Variants in DAPK1 observed in about 807,000 individuals in gnomAD.
The protein encoded by DAPK1 is death-associated protein kinase 1.
DAPK1 carries 56 observed loss-of-function variants against 144.9 expected under a neutral mutation model. That is an observed-to-expected ratio of 0.39 (90% CI 0.31 to 0.48). DAPK1 has a LOEUF of 0.48. Among genes scored for constraint, DAPK1 ranks in the 20% least tolerant of loss-of-function variants. DAPK1 has a pLI of 0.95. For missense variants in DAPK1, 1,454 were observed against 1,875.4 expected (o/e 0.78, Z 4.15); for synonymous variants, 690 against 749.0 (o/e 0.92, Z 1.29).
At chr9:87,631,936 C>T in intron 3 of DAPK1, 1 of 369,544 alleles carries the variant, frequency 2.7e-6, no homozygotes, top group Non-Finnish European at 3.8e-6. Context: ...GCAAAAACAT[C>T]TGCCTTCATG....
intron 21 of DAPK1, among the ~76,000 whole-genome samples, chr9:87,695,636 C>T (rs1164548302): frequency 6.6e-6 from 1 of 152,182 alleles, no homozygotes; most frequent in Non-Finnish European, 1.5e-5. Flanking sequence ...ACCCCACCTC[C>T]TCCCAGATCC....
rs770623157 is a variant in DAPK1, at chr9:87,698,660, C to A, written c.2616C>A (p.Phe872Leu). 4 of 1,603,056 alleles carry A rather than the reference C, an allele frequency of 2.5e-6. No homozygotes were observed. The highest frequency in any genetic ancestry group is 3.4e-6 in the Non-Finnish European group (4 of 1,170,494). ...CAGTTCCCTCTCTGCCCCCAGCCTT[C>A]GGTGGCAAGCTGAAGAACCCACTCC... ...SLVPVEEPIA[F>L]GGKLKNPLQV... Residue 872 changes from phenylalanine (F) to leucine (L), a missense_variant, in exon 23 of 26, where the codon TTC (phenylalanine) becomes TTA (leucine). This residue lies in a region of DAPK1 where 1,025 missense variants were observed against 1,237.9 expected (regional missense o/e 0.83). Transcript: ENST00000408954.
At chr9:87,589,241 T>TAG (rs1393160457) in intron 2 of DAPK1, among the ~76,000 whole-genome samples, 1 of 152,018 alleles carries the variant, frequency 6.6e-6, no homozygotes, top group Non-Finnish European at 1.5e-5. Flanking sequence ...GAAGGACTCT[T>TAG]AGAGACCATA....
At chr9:87,573,197 G>A (rs528009792) in intron 2 of DAPK1, among the ~76,000 whole-genome samples, 1 of 152,328 alleles carries the variant, frequency 6.6e-6, no homozygotes, top group East Asian at 1.9e-4. Context: ...TGAAGGGTGT[G>A]TACAAGTTTG....
At chr9:87,623,875 A>G (rs1174686481) in intron 3 of DAPK1, among the ~76,000 whole-genome samples, 4 of 152,144 alleles carry the variant, frequency 2.6e-5, no homozygotes, top group Admixed American at 2.6e-4. Context: ...ATAGGAGGTA[A>G]CACTTTGTTC....
intron 3 of DAPK1, among the ~76,000 whole-genome samples, chr9:87,629,290 G>T (rs893011680): frequency 6.6e-6 from 1 of 152,128 alleles, no homozygotes; most frequent in Non-Finnish European, 1.5e-5. Context: ...GGATGGGAAT[G>T]CTCGTCTACA....
chr9:87,512,040 A>AT (rs1563966781), intron 2 of DAPK1, among the ~76,000 whole-genome samples: 4 of 142,148 alleles, frequency 2.8e-5, no homozygotes, highest in African/African-American at 1.1e-4. Flanking sequence ...TTGCTTTTTC[A>AT]AGAGAAACCA....
intron 2 of DAPK1, among the ~76,000 whole-genome samples, chr9:87,599,866 A>G (rs1828450888): frequency 6.6e-6 from 1 of 152,204 alleles, no homozygotes; most frequent in South Asian, 2.1e-4. Flanking sequence ...TCATTTTTGC[A>G]CAACCTTGTT....
At chr9:87,591,867 A>G (rs1020635945) in intron 2 of DAPK1, among the ~76,000 whole-genome samples, 1 of 152,204 alleles carries the variant, frequency 6.6e-6, no homozygotes, top group African/African-American at 2.4e-5. Context: ...TTCACCTGGA[A>G]GTCCAGTTGC....
At chr9:87,508,417 A>G (rs1489763400) in intron 2 of DAPK1, among the ~76,000 whole-genome samples, 2 of 146,096 alleles carry the variant, frequency 1.4e-5, no homozygotes, top group African/African-American at 2.6e-5. Flanking sequence ...ATTTCGGCTC[A>G]CTGCAACCTC....
intron 18 of DAPK1, among the ~76,000 whole-genome samples, chr9:87,662,445 A>G (rs1049377454): frequency 6.6e-6 from 1 of 151,378 alleles, no homozygotes; most frequent in Non-Finnish European, 1.5e-5. Context: ...AATTCTTCCC[A>G]TCCGTGAGCA....
At chr9:87,658,373 G>A (rs1207257525) in intron 18 of DAPK1, among the ~76,000 whole-genome samples, 2 of 152,154 alleles carry the variant, frequency 1.3e-5, no homozygotes, top group Non-Finnish European at 1.5e-5. Flanking sequence ...GCTGCTTCCC[G>A]CTGGCCTTTT....
intron 2 of DAPK1, among the ~76,000 whole-genome samples, chr9:87,571,521 ACACACAC>A (rs1827358329): frequency 9.8e-5 from 14 of 142,544 alleles, no homozygotes; most frequent in African/African-American, 2.1e-4. Context: ...ACACACACAC[ACACACAC>A]CAGAAGCGAA....
chr9:87,653,854 C>T (rs1441406458), intron 17 of DAPK1, among the ~76,000 whole-genome samples: 10 of 151,914 alleles, frequency 6.6e-5, no homozygotes, highest in Non-Finnish European at 1.0e-4. Flanking sequence ...CCACCATGCC[C>T]TGCTAATTTT....
intron 2 of DAPK1, among the ~76,000 whole-genome samples, chr9:87,573,020 G>A (rs189719186): frequency 9.2e-5 from 14 of 152,082 alleles, no homozygotes; most frequent in South Asian, 4.2e-4. Context: ...CAGGAGTTTC[G>A]CTTATACAAA....
chr9:87,525,885 G>A (rs1348811082), intron 2 of DAPK1, among the ~76,000 whole-genome samples: 2 of 152,160 alleles, frequency 1.3e-5, no homozygotes, highest in Non-Finnish European at 2.9e-5. Context: ...CTATAGGCCT[G>A]CAGATCGAGT....
chr9:87,686,218 C>G lies in DAPK1; in HGVS notation c.2225-333C>G, dbSNP rs1036725260. ...GAGAAGGGAAGAAACCCGACCTCTG[C>G]CCTCCCACCCTCTCCACAGCCTCCC... On this transcript the variant is annotated intron_variant, in intron 20 of 25. Transcript: ENST00000408954. This position sits in a 1 kb window ranked among gnomAD's most constrained non-coding sequence, Gnocchi z 4.2. 2.6e-5 allele frequency among the ~76,000 whole-genome samples: 4 copies of G among 152,174 alleles called. No homozygotes were observed. Among genetic ancestry groups the G allele is most frequent in the African/African-American group, 9.7e-5 (4 of 41,448 alleles).
intron 3 of DAPK1, among the ~76,000 whole-genome samples, chr9:87,611,154 C>T (rs1828908919): frequency 6.6e-6 from 1 of 152,124 alleles, no homozygotes; most frequent in Admixed American, 6.5e-5. Context: ...GCACACTTAG[C>T]ATTATAAAAT....
intron 3 of DAPK1, chr9:87,633,027 T>C (rs1829764989): frequency 1.0e-6 from 1 of 979,076 alleles, no homozygotes; most frequent in Non-Finnish European, 1.2e-6. Context: ...TGAGTATATA[T>C]GTAGGGATGA....
Sources: gnomAD v4.1 joint callset for allele counts (sites outside exome capture counted in the v4.1 genomes callset) on GRCh38, gnomAD v4.1.1 for gene constraint, gnomAD v4.1.1 regional missense constraint, Gnocchi (gnomAD v3.1) non-coding constraint, MANE v1.5 for transcripts, NCBI Gene and HGNC (gene_info 2026-07-23, HGNC 2026-07-21) for gene names.